The following HFM1 variants were observed in gnomAD, a reference collection of about 807,000 sequenced individuals.
HFM1 encodes probable ATP-dependent DNA helicase HFM1.
Under a neutral mutation model 192.1 loss-of-function variants are expected in HFM1, and 169 were observed. The observed-to-expected ratio is 0.88, with a 90% CI of 0.78 to 1.00. The LOEUF is 1.00. HFM1 is among the 50% of genes least tolerant of loss of function. The pLI is 0.00. For synonymous variants in HFM1, 525 were observed against 537.8 expected, an observed-to-expected ratio of 0.98 and a Z score of 0.33; for missense variants, 1,661 against 1,668.0, an observed-to-expected ratio of 1.00 and a Z score of 0.07.
intron 13 of HFM1, among the ~76,000 whole-genome samples, chr1:91,372,017 G>GA (rs1433716844): frequency 2.6e-5 from 4 of 152,192 alleles, no homozygotes. Flanking sequence ...TCAGAGAAAT[G>GA]AAAATCAAAA....
chr1:91,273,904 A>G, intron 33 of HFM1, 89 bp from the exon 34 acceptor site: 1 of 730,582 alleles, frequency 1.4e-6, no homozygotes, highest in African/African-American at 1.8e-5. Context: ...AACAAAAATA[A>G]TGATTTATCC....
chr1:91,266,175 C>T (rs1215768411), intron 35 of HFM1, 68 bp from the exon 36 acceptor site: 37 of 1,172,094 alleles, frequency 3.2e-5, no homozygotes, highest in Middle Eastern at 2.1e-4. Flanking sequence ...TTCACAAGTT[C>T]TACAACGTTC....
chr1:91,328,856 G>A (rs1009463117), intron 20 of HFM1: 8 of 1,610,892 alleles, frequency 5.0e-6, no homozygotes, highest in Non-Finnish European at 6.8e-6. Context: ...ACCCATCGAG[G>A]CAGAGGCCAG....
chr1:91,285,485 A>G (rs1478510085), intron 30 of HFM1, among the ~76,000 whole-genome samples: 2 of 152,192 alleles, frequency 1.3e-5, no homozygotes, highest in East Asian at 3.8e-4. Flanking sequence ...GAAAAGGCCC[A>G]AATTTGGTGT....
chr1:91,382,881 A>C lies in HFM1; in HGVS notation c.803-1899T>G, dbSNP rs189283021. Among the ~76,000 whole-genome samples the C allele has an allele frequency of 6.3e-3, 967 of 152,304 alleles. 3 individuals are homozygous for C. The highest frequency in any genetic ancestry group is 0.011 in the Non-Finnish European group (733 of 68,036). Reference sequence around the variant, plus strand: ...AAACTCTCAGCAGTGTCACTGAAATAATGGGGAAATGTCTGCAGAACTGAA... The same window carrying C: ...AAACTCTCAGCAGTGTCACTGAAATCATGGGGAAATGTCTGCAGAACTGAA... On this transcript the variant is annotated intron_variant, in intron 6 of 38. Transcript: ENST00000370425.
At chr1:91,274,043 T>C (rs1379357248) in intron 33 of HFM1, among the ~76,000 whole-genome samples, 3 of 152,132 alleles carry the variant, frequency 2.0e-5, no homozygotes, top group Non-Finnish European at 4.4e-5. Context: ...CTAGAAGTAC[T>C]GCTGGCATCT....
intron 18 of HFM1, 77 bp from the exon 19 acceptor site, chr1:91,347,553 G>A (rs1475711017): frequency 3.5e-6 from 3 of 847,476 alleles, no homozygotes; most frequent in African/African-American, 1.7e-5. Flanking sequence ...AACTAGTGAA[G>A]AGCAGTCTAA....
intron 36 of HFM1, among the ~76,000 whole-genome samples, chr1:91,264,359 G>GTTTTTTTTTTTTTTTTTTTTTTTTTTT (rs1466938761): frequency 3.7e-5 from 2 of 54,038 alleles, no homozygotes; most frequent in Admixed American, 2.2e-4. Context: ...CACAAATTTA[G>GTTTTTTTTTTTTTTTTTTTTTTTTTTT]TATTTTTTTT....
Position 91,313,468 on chromosome 1 carries a change from G to A in HFM1, c.3272C>T (p.Thr1091Ile), listed in dbSNP as rs765588815. The change falls in exon 30 of 39, where the codon ACA becomes ATA. Residue 1091 changes from threonine (T) to isoleucine (I), a missense_variant. Thr to Ile is a moderately conservative substitution (Grantham distance 89, BLOSUM62 -1). Coordinates refer to ENST00000370425, the MANE Select transcript of HFM1 (RefSeq NM_001017975.6). ...FVGLDIQQKLTVFYLEPKRFG... is the reference protein window; with the variant it reads ...FVGLDIQQKLIVFYLEPKRFG... ...CCTCTTGGGTTCTAAGTAAAAGACT[G>A]TAAGTTTCTGCTGAATATCAAGCCC... is the stretch of plus-strand genomic sequence containing the variant. The A allele has an allele frequency of 6.3e-7, 1 of 1,589,426 alleles. No homozygotes were observed. Among genetic ancestry groups the A allele is most frequent in the Non-Finnish European group, 8.6e-7 (1 of 1,168,712 alleles).
At position 91,287,604 on chromosome 1, in the gene HFM1, A is replaced by G. The variant is rs574382849; in HGVS notation, c.3392-10542T>C. 1.7e-3 allele frequency among the ~76,000 whole-genome samples: 264 copies of G among 152,284 alleles called. 3 individuals carry two copies. Among genetic ancestry groups the G allele is most frequent in the South Asian group, 6.9e-3 (33 of 4,812 alleles). ...AAAACTGGAAACTAAAAAGCAGAGC[A>G]CCTCTCCTCCTCTAAAGGAACGCAG... is the stretch of plus-strand genomic sequence containing the variant. On this transcript the variant is annotated intron_variant, in intron 30 of 38. Coordinates refer to ENST00000370425, the MANE Select transcript of HFM1 (RefSeq NM_001017975.6).
chr1:91,397,630 G>A (rs1037446668), intron 2 of HFM1, among the ~76,000 whole-genome samples: 2 of 152,168 alleles, frequency 1.3e-5, no homozygotes, highest in Non-Finnish European at 2.9e-5. Flanking sequence ...ACGTCTAACA[G>A]ACTGTTTAAT....
intron 30 of HFM1, among the ~76,000 whole-genome samples, chr1:91,308,647 C>G (rs1298260467): frequency 6.6e-6 from 1 of 152,158 alleles, no homozygotes; most frequent in African/African-American, 2.4e-5. Context: ...AAGAAATCCT[C>G]CTGCCTTAGC....
At chr1:91,328,004 A>C (rs932416744) in intron 20 of HFM1, among the ~76,000 whole-genome samples, 3 of 152,218 alleles carry the variant, frequency 2.0e-5, no homozygotes, top group African/African-American at 7.2e-5. Context: ...ACAAGTGCCT[A>C]CATCAAAAAA....
At chr1:91,332,518 G>A (rs767040008) in intron 20 of HFM1, among the ~76,000 whole-genome samples, 1 of 152,102 alleles carries the variant, frequency 6.6e-6, no homozygotes, top group Admixed American at 6.5e-5. Context: ...AAAATATTAG[G>A]GAAACTCTCC....
Position 91,375,343 on chromosome 1 carries a change from A to C in HFM1, c.1685+15T>G. On this transcript the variant is annotated intron_variant, in intron 13 of 38. Transcript: ENST00000370425. ...AAAAGTCCTTCTACTTCCATGAAAA[A>C]ATAAAATACTATACCTCTGTTTCTG... The C allele has an allele frequency of 6.3e-7, 1 of 1,587,260 alleles. No homozygotes were observed. Among genetic ancestry groups the C allele is most frequent in the Non-Finnish European group, 8.6e-7 (1 of 1,162,118 alleles).
chr1:91,401,966 AT>A (rs1472064025), intron 1 of HFM1, among the ~76,000 whole-genome samples: 1 of 152,010 alleles, frequency 6.6e-6, no homozygotes, highest in Non-Finnish European at 1.5e-5. Flanking sequence ...CATTAGAATT[AT>A]TTTTCCCTGC....
Position 91,380,199 on chromosome 1 carries a change from G to A in HFM1, c.911C>T (p.Pro304Leu). 1.9e-6 allele frequency: 3 copies of A among 1,577,910 alleles called. No homozygotes were observed. The South Asian group carries it at 3.5e-5, about 18-fold the overall frequency. ...YTDRNFVICA[P>L]TGSGKTVVFE... ...CACTACAGTTTTTCCAGAACCAGTT[G>A]GAGCACAAATCACAAAATTCCTATC... The change falls in exon 8 of 39, where the codon CCA becomes CTA. Residue 304 changes from proline (P) to leucine (L), a missense_variant. Physicochemically the swap from Pro to Leu is moderately conservative, Grantham distance 98. Transcript: ENST00000370425.
chr1:91,335,389 A>G (rs12567930), intron 20 of HFM1, among the ~76,000 whole-genome samples: 30,581 of 152,118 alleles, frequency 0.2, 3,767 homozygotes, highest in South Asian at 0.35. Context: ...CCTGATAGAG[A>G]AAATGAAAGG....
At chr1:91,298,186 C>T (rs2101005428) in intron 30 of HFM1, among the ~76,000 whole-genome samples, 1 of 152,206 alleles carries the variant, frequency 6.6e-6, no homozygotes, top group Admixed American at 6.5e-5. Flanking sequence ...GAAAGGGTAT[C>T]AGGGATGGAA....
Sources: gnomAD v4.1 joint callset for allele counts (sites outside exome capture counted in the v4.1 genomes callset) on GRCh38, gnomAD v4.1.1 for gene constraint, MANE v1.5 for transcripts, NCBI Gene and HGNC (gene_info 2026-07-23, HGNC 2026-07-21) for gene names.